The following ZNF335 variants were observed in gnomAD, a reference collection of about 807,000 sequenced individuals.
The protein encoded by ZNF335 is NRC-interacting factor 1.
Under a neutral mutation model 145.6 loss-of-function variants are expected in ZNF335, and 84 were observed. The ratio of observed to expected loss-of-function variants is 0.58; its 90% confidence interval spans 0.48 to 0.69. ZNF335 has a LOEUF of 0.69. Ranked by LOEUF, ZNF335 falls within the 30% of genes least tolerant of loss-of-function variation. The pLI, the probability that ZNF335 is intolerant of heterozygous loss-of-function variation, is 0.00. For synonymous variants in ZNF335, 761 were observed against 717.0 expected (o/e 1.06, Z -0.98); for missense variants, 1,865 against 1,809.7 (o/e 1.03, Z -0.55).
rs1235462740 is a variant in ZNF335, at chr20:45,957,497, A to T, written c.2442+89T>A. 6 of 1,284,440 alleles carry T rather than the reference A, an allele frequency of 4.7e-6. No individual in the cohort carries two copies. In the East Asian group the frequency reaches 1.2e-4, roughly 26 times the overall value. The allele number at this position is 1,284,440 out of a possible 1,614,324, so 79.6% of individuals were successfully genotyped here. ...AGCTCCCAAGGGCGGAGAAGCTCTG[A>T]TACACTGTTTTCCTCTAGTCCCAGT... On this transcript the variant is annotated intron_variant, in intron 17 of 27. Coordinates refer to ENST00000322927, the MANE Select transcript of ZNF335 (RefSeq NM_022095.4).
At chr20:45,961,778 C>T in intron 10 of ZNF335, 1 of 346,008 alleles carries the variant, frequency 2.9e-6, no homozygotes, top group Non-Finnish European at 5.4e-6. Flanking sequence ...TTACTGAACT[C>T]CTTTAGGTAC....
At chr20:45,955,959 G>A (rs1356638154) in intron 17 of ZNF335, among the ~76,000 whole-genome samples, 1 of 152,186 alleles carries the variant, frequency 6.6e-6, no homozygotes, top group Non-Finnish European at 1.5e-5. Flanking sequence ...ATGATACAGA[G>A]ATGCAAGATG....
At chr20:45,954,672 AAAAC>A (rs1251080254) in intron 17 of ZNF335, among the ~76,000 whole-genome samples, 1 of 152,180 alleles carries the variant, frequency 6.6e-6, no homozygotes, top group African/African-American at 2.4e-5. Context: ...TAACAATAGA[AAAAC>A]AAATACAGGA....
In ZNF335 at chr20:45,949,241, A is replaced by G. The variant is rs765846945; in HGVS notation, c.3830T>C (p.Val1277Ala). The change falls in exon 27 of 28, where the codon GTG becomes GCG. Residue 1277 changes from valine (V) to alanine (A), a missense_variant. Physicochemically the swap from Val to Ala is moderately conservative, Grantham distance 64. Coordinates refer to ENST00000322927, the MANE Select transcript of ZNF335 (RefSeq NM_022095.4). The part of the protein sequence containing the change: ...PFLQESQIQY[V>A]PVSPGQQLVT... ...AAGCTGCTGGCCTGGGGACACAGGC[A>G]CATACTGGATCTGGAGGGGAGAAGC... 1 of 1,613,846 alleles carries G rather than the reference A, an allele frequency of 6.2e-7. No homozygotes were observed. The highest frequency in any genetic ancestry group is 8.5e-7 in the Non-Finnish European group (1 of 1,180,004).
At chr20:45,949,591 T>C (rs767677365) in intron 24 of ZNF335, 23 bp from the exon 25 acceptor site, 7 of 1,597,946 alleles carry the variant, frequency 4.4e-6, no homozygotes, top group Non-Finnish European at 6.0e-6. Flanking sequence ...GGGGCGGGCA[T>C]GGCGAGGCAG....
At position 45,950,451 on chromosome 20, in the gene ZNF335, A is replaced by G; in HGVS notation, c.3332+2T>C. 6 of 1,614,126 alleles carry G rather than the reference A, an allele frequency of 3.7e-6. No homozygotes were observed. Among genetic ancestry groups the G allele is most frequent in the Non-Finnish European group, 4.2e-6 (5 of 1,180,024 alleles). On this transcript the variant is annotated splice_donor_variant, in intron 21 of 27. Coordinates refer to ENST00000322927, the MANE Select transcript of ZNF335 (RefSeq NM_022095.4). LOFTEE classifies it high-confidence loss of function. ...TCCCCACCCACCAGTATCTGGCCTC[A>G]CCGCTGCCCGCAGAGGTGGCATGCA... is the stretch of plus-strand genomic sequence containing the variant.
In ZNF335 at chr20:45,959,444, A is replaced by C; in HGVS notation, c.2021-11T>G. On this transcript the variant is annotated splice_polypyrimidine_tract_variant and intron_variant, in intron 14 of 27. Transcript: ENST00000322927. Reference sequence around the variant, plus strand: ...CGAAGGGCTTGGCCCCTGGAGGCACATGTTGGGGCATGCTTAAGTCTGCCC... The same window carrying C: ...CGAAGGGCTTGGCCCCTGGAGGCACCTGTTGGGGCATGCTTAAGTCTGCCC... 7.0e-7 allele frequency: 1 copy of C among 1,425,922 alleles called. No individual in the cohort carries two copies. The highest frequency in any genetic ancestry group is 9.3e-7 in the Non-Finnish European group (1 of 1,074,028). 88.3% of individuals were successfully genotyped at this position (1,425,922 alleles called of 1,614,324 possible).
intron 23 of ZNF335, 27 bp downstream of exon 23, chr20:45,949,939 C>T (rs2083598190): frequency 6.8e-6 from 11 of 1,614,004 alleles, no homozygotes; most frequent in Non-Finnish European, 9.3e-6. Flanking sequence ...TGTCGCTGGC[C>T]AGAGGGCCCC....
intron 10 of ZNF335, among the ~76,000 whole-genome samples, 190 bp from the exon 11 acceptor site, chr20:45,961,072 T>G (rs921909822): frequency 1.3e-5 from 2 of 152,224 alleles, no homozygotes; most frequent in African/African-American, 4.8e-5. Context: ...TAACATATTC[T>G]GCACTCAAAT....
rs1443097439 is a variant in ZNF335 at position 45,952,661 on chromosome 20, G to A, written c.2751C>T (p.Thr917=). ...TGTAGTGGGTGCCAGCTTCTTTTAG[G>A]GTGTCACTCACAACCACAGCCTGGG... ...EAAQAVVVSD[T]LKEAGTHYIM... The change falls in exon 19 of 28, where the codon ACC becomes ACT. Residue 917 remains threonine (T), a synonymous_variant. Transcript: ENST00000322927. 3 of 1,613,810 alleles carry A rather than the reference G, an allele frequency of 1.9e-6. No individual in the cohort carries two copies. Among genetic ancestry groups the A allele is most frequent in the East Asian group, 2.2e-5 (1 of 44,860 alleles).
chr20:45,967,445 T>C, intron 6 of ZNF335, 49 bp downstream of exon 6: 1 of 1,613,884 alleles, frequency 6.2e-7, no homozygotes, highest in Non-Finnish European at 8.5e-7. Flanking sequence ...TCAGTGAGTA[T>C]GTCTAGATGG....
intron 6 of ZNF335, chr20:45,967,042 T>A: frequency 5.5e-6 from 1 of 182,076 alleles, no homozygotes; most frequent in African/African-American, 2.3e-5. Context: ...AGAGATGGGG[T>A]TTTGCCATGT....
intron 14 of ZNF335, 99 bp downstream of exon 14, chr20:45,960,109 G>C: frequency 7.2e-7 from 1 of 1,383,082 alleles, no homozygotes; most frequent in Non-Finnish European, 9.8e-7. Flanking sequence ...TGTGGCTGGG[G>C]CTACCGAGGG....
chr20:45,949,050 T>C lies in ZNF335; in HGVS notation c.3932A>G (p.Gln1311Arg), dbSNP rs772522197. ...AVADAAMAQA[Q>R]GLFGTDETVP... ...TGTCTCGTCTGTACCAAACAGGCCC[T>C]GGGCTTGGGCCATGGCAGCATCAGC... Residue 1311 changes from glutamine (Q) to arginine (R), a missense_variant, in exon 28 of 28, where the codon CAG (glutamine) becomes CGG (arginine). Coordinates refer to ENST00000322927, the MANE Select transcript of ZNF335 (RefSeq NM_022095.4). 2.2e-5 allele frequency: 35 copies of C among 1,613,686 alleles called. No individual in the cohort carries two copies. Among genetic ancestry groups the C allele is most frequent in the Non-Finnish European group, 2.7e-5 (32 of 1,180,022 alleles).
At position 45,959,297 on chromosome 20, in the gene ZNF335, G is replaced by A; in HGVS notation, c.2157C>T (p.Arg719=). 1 of 1,563,774 alleles carries A rather than the reference G, an allele frequency of 6.4e-7. No individual in the cohort carries two copies. Among genetic ancestry groups the A allele is most frequent in the Non-Finnish European group, 8.7e-7 (1 of 1,150,954 alleles). ...GCTGCAGAGAGAAGAAGGGGCGACG[G>A]CGGGAGGGGGGCTCCTCAGGGTGGC... ...GRRHPEEPPS[R]RRPFFSLQQI... The change falls in exon 15 of 28, where the codon CGC becomes CGT. Residue 719 remains arginine (R), a synonymous_variant. Coordinates refer to ENST00000322927, the MANE Select transcript of ZNF335 (RefSeq NM_022095.4).
chr20:45,956,319 C>G (rs747226314), intron 17 of ZNF335, among the ~76,000 whole-genome samples: 5 of 151,928 alleles, frequency 3.3e-5, no homozygotes, highest in Non-Finnish European at 7.4e-5. Context: ...ACCTCCGCCT[C>G]CTGGGTTCAA....
intron 21 of ZNF335, 30 bp downstream of exon 21, chr20:45,950,423 C>T: frequency 6.2e-7 from 1 of 1,613,734 alleles, no homozygotes; most frequent in Non-Finnish European, 8.5e-7. Flanking sequence ...ACATGCCCAG[C>T]AGTCCCCACC....
rs571647784 is a variant in ZNF335 at position 45,950,274 on chromosome 20, G to T, written c.3432C>A (p.Thr1144=). 1 of 1,555,412 alleles carries T rather than the reference G, an allele frequency of 6.4e-7. No individual in the cohort carries two copies. The highest frequency in any genetic ancestry group is 1.2e-5 in the South Asian group (1 of 81,194). Reference sequence around the variant, plus strand: ...TGTTCAGGATGATGGTCTGGGTTGGGGTCTGGGTAGGGGCCCGGGCTGTAG... The same window carrying T: ...TGTTCAGGATGATGGTCTGGGTTGGTGTCTGGGTAGGGGCCCGGGCTGTAG... ...GTPTARAPTQ[T]PTQTIILNSD... Residue 1144 remains threonine (T), a synonymous_variant, in exon 22 of 28, where the codon ACC becomes ACA. Transcript: ENST00000322927.
Position 45,968,266 on chromosome 20 carries a change from C to T in ZNF335, c.520+19G>A, listed in dbSNP as rs369933356. 54 of 1,609,638 alleles carry T rather than the reference C, an allele frequency of 3.4e-5. No homozygotes were observed. Among genetic ancestry groups the T allele is most frequent in the Non-Finnish European group, 4.4e-5 (52 of 1,176,630 alleles). On this transcript the variant is annotated intron_variant, in intron 4 of 27. Transcript: ENST00000322927. ...CTGCCCACTGCAGGCCTCCCCGATTCTGGCACCTGGGGTCTTACCATCATC... is the reference window on the plus strand; with the variant it reads ...CTGCCCACTGCAGGCCTCCCCGATTTTGGCACCTGGGGTCTTACCATCATC...
Sources: allele counts gnomAD v4.1 joint callset (sites outside exome capture counted in the v4.1 genomes callset), GRCh38; gene constraint gnomAD v4.1.1; transcripts MANE v1.5; gene names NCBI Gene and HGNC (gene_info 2026-07-23, HGNC 2026-07-21).